IFI27L1: variants seen among roughly 807,000 people sequenced by gnomAD.
IFI27L1 encodes the protein interferon alpha-inducible protein 27-like protein 1.
Under a neutral mutation model 9.2 loss-of-function variants are expected in IFI27L1, and 3 were observed. The ratio of observed to expected loss-of-function variants is 0.32; its 90% CI spans 0.15 to 0.84. The LOEUF (loss-of-function observed/expected upper bound fraction) is 0.84. IFI27L1 is among the 40% of genes least tolerant of loss of function. The pLI is 0.56. For synonymous variants in IFI27L1, 53 were observed against 50.0 expected, an observed-to-expected ratio of 1.06 and a Z score of -0.26; for missense variants, 133 against 134.2, an observed-to-expected ratio of 0.99 and a Z score of 0.05.
chr14:94,085,076 C>T (rs1886237998), intron 1 of IFI27L1, among the ~76,000 whole-genome samples: 1 of 152,118 alleles, frequency 6.6e-6, no homozygotes, highest in Non-Finnish European at 1.5e-5. Context: ...GCAGAAGCCT[C>T]CATTGCCAGT....
intron 1 of IFI27L1, among the ~76,000 whole-genome samples, chr14:94,086,257 A>G (rs963953112): frequency 2.0e-5 from 3 of 152,134 alleles, no homozygotes; most frequent in Non-Finnish European, 4.4e-5. Flanking sequence ...TTCTGCCATG[A>G]TCGTAAGCTT....
At chr14:94,102,134 G>A (rs1171007542) in intron 4 of IFI27L1, 159 bp downstream of exon 4, 8 of 754,990 alleles carry the variant, frequency 1.1e-5, no homozygotes, top group Non-Finnish European at 1.8e-5. Context: ...GTGGGACCAG[G>A]GGTGCAGCCT....
intron 3 of IFI27L1, chr14:94,101,105 G>C (rs1886879297): frequency 3.8e-6 from 2 of 524,496 alleles, no homozygotes; most frequent in Admixed American, 6.2e-5. Flanking sequence ...CTTTTGAAGG[G>C]AGTATGTCAG....
intron 1 of IFI27L1, among the ~76,000 whole-genome samples, chr14:94,091,059 G>A (rs2180082): frequency 0.29 from 44,156 of 152,022 alleles, 6,774 homozygotes; most frequent in East Asian, 0.51. Context: ...TAGTTCATGC[G>A]CTTAATTCCT....
At chr14:94,086,692 T>C (rs779738842) in intron 1 of IFI27L1, among the ~76,000 whole-genome samples, 6 of 152,140 alleles carry the variant, frequency 3.9e-5, no homozygotes, top group Non-Finnish European at 8.8e-5. Context: ...CCTAATCAAT[T>C]ACTCTTAGAA....
chr14:94,096,818 T>G, intron 1 of IFI27L1, 69 bp from the exon 2 acceptor site: 1 of 799,332 alleles, frequency 1.3e-6, no homozygotes, highest in South Asian at 1.5e-5. Context: ...CCAGGAGGGA[T>G]GCAGAGTTCT....
chr14:94,097,454 C>G, intron 2 of IFI27L1: 2 of 581,062 alleles, frequency 3.4e-6, no homozygotes, highest in Non-Finnish European at 6.1e-6. Flanking sequence ...TAGGATTTGG[C>G]ATAAGCGACT....
intron 1 of IFI27L1, among the ~76,000 whole-genome samples, chr14:94,086,045 A>G (rs76744473): frequency 0.02 from 3,032 of 152,304 alleles, 77 homozygotes; most frequent in East Asian, 0.12. Flanking sequence ...GTAATCCCCA[A>G]TGCTGGAGTT....
chr14:94,088,503 T>TTC (rs201253951), intron 1 of IFI27L1, among the ~76,000 whole-genome samples: 42 of 102,356 alleles, frequency 4.1e-4, no homozygotes, highest in African/African-American at 4.9e-4. Context: ...AACAATCTTT[T>TTC]TTTTTTTTTT....
At chr14:94,094,168 T>A (rs1009038056) in intron 1 of IFI27L1, among the ~76,000 whole-genome samples, 2 of 152,004 alleles carry the variant, frequency 1.3e-5, no homozygotes, top group African/African-American at 4.8e-5. Context: ...GGGTTAGAGG[T>A]CCCTCTCAGT....
intron 1 of IFI27L1, among the ~76,000 whole-genome samples, chr14:94,090,236 T>C (rs1419931192): frequency 6.6e-6 from 1 of 152,148 alleles, no homozygotes; most frequent in African/African-American, 2.4e-5. Flanking sequence ...AGATCACCGA[T>C]TGGTTCACAG....
chr14:94,089,861 T>C (rs1328425595), intron 1 of IFI27L1, among the ~76,000 whole-genome samples: 23 of 152,172 alleles, frequency 1.5e-4, no homozygotes, highest in Admixed American at 1.4e-3. Context: ...GGGTCTCTTG[T>C]ATTCAGGGTA....
intron 2 of IFI27L1, chr14:94,097,750 A>T: frequency 1.4e-6 from 1 of 699,182 alleles, no homozygotes; most frequent in Non-Finnish European, 2.6e-6. Flanking sequence ...ACTCCAGGCC[A>T]CTTACCCTGA....
chr14:94,100,719 G>T lies in IFI27L1; in HGVS notation c.29-20G>T. 1.9e-6 allele frequency: 3 copies of T among 1,612,660 alleles called. No individual in the cohort carries two copies. Among genetic ancestry groups the T allele is most frequent in the Non-Finnish European group, 1.7e-6 (2 of 1,179,904 alleles). On this transcript the variant is annotated intron_variant, in intron 2 of 4. Transcript: ENST00000555523. ...TTGTGTTTGTTTGTTTGTTGTTGTT[G>T]TTGTTGTTTTTGTCTCCAGGCAGGG...
At chr14:94,089,414 C>A (rs953745812) in intron 1 of IFI27L1, 1 of 152,134 alleles carries the variant, frequency 6.6e-6, no homozygotes, top group Non-Finnish European at 1.5e-5. Flanking sequence ...GTTGCCATGG[C>A]GTTTATAAAT....
At chr14:94,100,696 GTGTT>G (rs774279542) in intron 2 of IFI27L1, 39 bp from the exon 3 acceptor site, 19 of 1,609,528 alleles carry the variant, frequency 1.2e-5, no homozygotes, top group East Asian at 6.7e-5. Flanking sequence ...CCATAGGTTT[GTGTT>G]TGTTTGTTTG....
Position 94,102,565 on chromosome 14 carries a change from C to A in IFI27L1, c.312C>A (p.Ser104Arg). 1 of 1,543,544 alleles carries A rather than the reference C, an allele frequency of 6.5e-7. No individual in the cohort carries two copies. The highest frequency in any genetic ancestry group is 8.7e-7 in the Non-Finnish European group (1 of 1,143,766). Residue 104 changes from serine to arginine, a missense_variant, in exon 5 of 5, where the codon AGC becomes AGA. Transcript: ENST00000555523. Reference sequence around the variant, plus strand: ...CCTGGCTGGGTTCACCCCCTTCCAGCTGAACACCACACTGAGGCAGGGAGT... The same window carrying A: ...CCTGGCTGGGTTCACCCCCTTCCAGATGAACACCACACTGAGGCAGGGAGT... The part of the protein sequence containing the change: ...LGAWLGSPPS[S>R]
intron 2 of IFI27L1, among the ~76,000 whole-genome samples, chr14:94,098,497 T>A (rs1886760137): frequency 6.6e-6 from 1 of 152,232 alleles, no homozygotes; most frequent in East Asian, 1.9e-4. Flanking sequence ...AAAAACCCTG[T>A]TTCCAATTAA....
intron 1 of IFI27L1, among the ~76,000 whole-genome samples, chr14:94,085,967 T>C (rs534045679): frequency 6.6e-6 from 1 of 152,236 alleles, no homozygotes; most frequent in Non-Finnish European, 1.5e-5. Context: ...AACATACGTA[T>C]GTATAAGCAT....
Sources: allele counts gnomAD v4.1 joint callset (sites outside exome capture counted in the v4.1 genomes callset), GRCh38; gene constraint gnomAD v4.1.1; transcripts MANE v1.5; gene names NCBI Gene and HGNC (gene_info 2026-07-23, HGNC 2026-07-21).